C8orf34: variants seen among roughly 807,000 people sequenced by gnomAD.
C8orf34 encodes the protein uncharacterized protein C8orf34.
In C8orf34, 65 loss-of-function variants were observed where a neutral mutation model predicts 68.3. The ratio of observed to expected loss-of-function variants is 0.95; its 90% CI spans 0.78 to 1.17. The LOEUF (loss-of-function observed/expected upper bound fraction) is 1.17, where lower values mean the gene tolerates loss of function less well. Among genes scored for constraint, C8orf34 ranks in the 50% most tolerant of loss-of-function variants. C8orf34 has a pLI of 0.00. For synonymous variants in C8orf34, 244 were observed against 241.2 expected (o/e 1.01, Z -0.11); for missense variants, 664 against 655.4 (o/e 1.01, Z -0.14).
At chr8:68,428,237 T>C (rs950188493) in intron 1 of C8orf34, among the ~76,000 whole-genome samples, 3 of 151,930 alleles carry the variant, frequency 2.0e-5, no homozygotes, top group Non-Finnish European at 2.9e-5. Context: ...CTTATGCTGC[T>C]GAAAATGATC....
At chr8:68,779,390 T>C (rs1409259700) in intron 11 of C8orf34, among the ~76,000 whole-genome samples, 3 of 152,162 alleles carry the variant, frequency 2.0e-5, no homozygotes, top group Non-Finnish European at 2.9e-5. Context: ...GTGATTTCAT[T>C]TGAGATTCCT....
intron 3 of C8orf34, among the ~76,000 whole-genome samples, chr8:68,459,214 G>A (rs545227802): frequency 6.6e-6 from 1 of 152,068 alleles, no homozygotes; most frequent in East Asian, 1.9e-4. Context: ...GGAACTCAGG[G>A]AACTCTTTCA....
chr8:68,748,981 C>G (rs1174926476), intron 10 of C8orf34, among the ~76,000 whole-genome samples: 2 of 151,928 alleles, frequency 1.3e-5, no homozygotes, highest in Non-Finnish European at 2.9e-5. Context: ...AGACTTGGAA[C>G]CAACCCAAAT....
In C8orf34 at chr8:68,493,690, T is replaced by C. The variant is rs76974120; in HGVS notation, c.765+5639T>C. On this transcript the variant is annotated intron_variant, in intron 5 of 13. Coordinates refer to ENST00000518698, the MANE Select transcript of C8orf34 (RefSeq NM_052958.4). Reference sequence around the variant, plus strand: ...GTAAGAGCATTAAGAAGCAGGGTCTTTAGGAGGCGATTAGGCCATGAGGGA... The same window carrying C: ...GTAAGAGCATTAAGAAGCAGGGTCTCTAGGAGGCGATTAGGCCATGAGGGA... 5.9e-3 allele frequency among the ~76,000 whole-genome samples: 901 copies of C among 152,226 alleles called. 12 individuals are homozygous for C. Among genetic ancestry groups the C allele is most frequent in the African/African-American group, 0.02 (845 of 41,536 alleles).
chr8:68,525,395 C>T (rs1454800185), intron 6 of C8orf34: 3 of 343,070 alleles, frequency 8.7e-6, no homozygotes, highest in Admixed American at 9.1e-5. Flanking sequence ...CTAAAACACA[C>T]AAAAATTATA....
chr8:68,660,498 C>G (rs757989451), intron 8 of C8orf34, among the ~76,000 whole-genome samples: 1 of 152,162 alleles, frequency 6.6e-6, no homozygotes, highest in Non-Finnish European at 1.5e-5. Context: ...CTGCTCGTAA[C>G]CTTTGAGTTC....
chr8:68,791,704 G>C (rs1823998461), intron 12 of C8orf34: 1 of 152,156 alleles, frequency 6.6e-6, no homozygotes, highest in Non-Finnish European at 1.5e-5. Context: ...TTCCCCACTT[G>C]GGTTTGGGTC....
intron 7 of C8orf34, among the ~76,000 whole-genome samples, chr8:68,625,867 G>C (rs1818525051): frequency 1.3e-5 from 2 of 152,184 alleles, no homozygotes; most frequent in Admixed American, 6.5e-5. Context: ...GATAAGGATA[G>C]CTATGAAACT....
intron 7 of C8orf34, among the ~76,000 whole-genome samples, chr8:68,582,344 G>A (rs1243032985): frequency 6.6e-6 from 1 of 152,096 alleles, no homozygotes; most frequent in Non-Finnish European, 1.5e-5. Flanking sequence ...CCAGGTATAG[G>A]ATATTACCCC....
chr8:68,375,656 G>A (rs989651616), intron 1 of C8orf34, among the ~76,000 whole-genome samples: 1 of 152,214 alleles, frequency 6.6e-6, no homozygotes, highest in South Asian at 2.1e-4. Flanking sequence ...ATTTGTTAGA[G>A]AATGGGTCCT....
intron 1 of C8orf34, chr8:68,438,025 A>G (rs1271571459): frequency 1.3e-5 from 2 of 152,172 alleles, no homozygotes; most frequent in South Asian, 2.1e-4. Context: ...TTGCTGGGCT[A>G]TAAAAGGTTT....
intron 5 of C8orf34, among the ~76,000 whole-genome samples, chr8:68,506,432 T>C (rs1814025553): frequency 6.6e-6 from 1 of 152,212 alleles, no homozygotes; most frequent in Non-Finnish European, 1.5e-5. Flanking sequence ...TTCCTGAGTT[T>C]AAGCAATCAT....
intron 5 of C8orf34, among the ~76,000 whole-genome samples, chr8:68,506,115 T>TAC (rs34384025): frequency 0.019 from 2,840 of 150,826 alleles, 89 homozygotes; most frequent in African/African-American, 0.064. Flanking sequence ...TACACACACA[T>TAC]ACACACACAC....
intron 7 of C8orf34, among the ~76,000 whole-genome samples, chr8:68,556,906 A>G (rs571293803): frequency 7.2e-5 from 11 of 152,230 alleles, no homozygotes; most frequent in African/African-American, 2.4e-4. Context: ...TCATTCTTTC[A>G]CAAACCATAT....
intron 7 of C8orf34, among the ~76,000 whole-genome samples, chr8:68,566,748 C>A (rs752402486): frequency 1.3e-5 from 2 of 152,138 alleles, no homozygotes; most frequent in Non-Finnish European, 2.9e-5. Context: ...AGCAATAAGG[C>A]GTTGTGCTTT....
At chr8:68,712,274 C>T (rs1273441699) in intron 9 of C8orf34, among the ~76,000 whole-genome samples, 1 of 151,772 alleles carries the variant, frequency 6.6e-6, no homozygotes, top group African/African-American at 2.4e-5. Context: ...AACAATAACA[C>T]AATGAAAAAA....
chr8:68,462,424 C>G (rs1042188934), intron 3 of C8orf34, among the ~76,000 whole-genome samples: 2 of 152,042 alleles, frequency 1.3e-5, no homozygotes, highest in Non-Finnish European at 2.9e-5. Context: ...TTGAACTCAG[C>G]TCTGCACCAA....
intron 1 of C8orf34, among the ~76,000 whole-genome samples, chr8:68,423,956 C>A (rs1236648910): frequency 6.6e-6 from 1 of 152,072 alleles, no homozygotes; most frequent in Non-Finnish European, 1.5e-5. Flanking sequence ...AGGAAACTGC[C>A]CCCATGATCT....
intron 7 of C8orf34, among the ~76,000 whole-genome samples, chr8:68,624,799 G>A (rs542810260): frequency 1.3e-3 from 201 of 152,072 alleles, no homozygotes; most frequent in Non-Finnish European, 2.5e-3. Context: ...GCAATGGCAC[G>A]ATCACAGCTC....
Sources: allele counts gnomAD v4.1 joint callset (sites outside exome capture counted in the v4.1 genomes callset), GRCh38; gene constraint gnomAD v4.1.1; transcripts MANE v1.5; gene names NCBI Gene and HGNC (gene_info 2026-07-23, HGNC 2026-07-21).